DSTYK: variants seen among roughly 807,000 people sequenced by gnomAD.
The protein encoded by DSTYK is dual serine/threonine and tyrosine protein kinase, also known as RIP-homologous kinase.
Under a neutral mutation model 98.7 loss-of-function variants are expected in DSTYK, and 34 were observed. The observed-to-expected ratio is 0.34, with a 90% CI of 0.26 to 0.46. The LOEUF (loss-of-function observed/expected upper bound fraction) is 0.46. Among genes scored for constraint, DSTYK ranks in the 20% least tolerant of loss-of-function variants. The pLI is 1.00. For synonymous variants in DSTYK, 462 were observed against 457.3 expected (o/e 1.01, Z -0.13); for missense variants, 962 against 1,181.7 (o/e 0.81, Z 2.73).
At chr1:205,181,209 T>A (rs550587093) in intron 2 of DSTYK, among the ~76,000 whole-genome samples, 2 of 152,334 alleles carry the variant, frequency 1.3e-5, no homozygotes, top group South Asian at 4.1e-4. Flanking sequence ...TTCCATAGAC[T>A]CCTTCCTCCA....
chr1:205,157,460 G>A (rs1282226839), intron 9 of DSTYK, 74 bp from the exon 10 acceptor site: 15 of 1,253,800 alleles, frequency 1.2e-5, no homozygotes, highest in Non-Finnish European at 1.7e-5. Context: ...TAGGGCACAT[G>A]AGGACAGAAA....
At chr1:205,204,165 A>G (rs1343845877) in intron 1 of DSTYK, among the ~76,000 whole-genome samples, 1 of 152,158 alleles carries the variant, frequency 6.6e-6, no homozygotes, top group Admixed American at 6.6e-5. Flanking sequence ...TACTCATTCA[A>G]TCAGATAGTC....
At chr1:205,198,096 G>A (rs1190650612) in intron 1 of DSTYK, among the ~76,000 whole-genome samples, 12 of 152,144 alleles carry the variant, frequency 7.9e-5, no homozygotes, top group Non-Finnish European at 1.3e-4. Flanking sequence ...GGTAGGCTGA[G>A]GCAGAAGAAT....
chr1:205,147,876 T>A (rs1398278845), intron 12 of DSTYK, 131 bp from the exon 13 acceptor site: 1 of 876,498 alleles, frequency 1.1e-6, no homozygotes, highest in African/African-American at 1.7e-5. Flanking sequence ...TTGACTTCGA[T>A]TGCAAACATC....
At chr1:205,170,439 G>T (rs1658025393) in intron 2 of DSTYK, among the ~76,000 whole-genome samples, 1 of 151,994 alleles carries the variant, frequency 6.6e-6, no homozygotes, top group Non-Finnish European at 1.5e-5. Context: ...TTCCCCCATG[G>T]GTCTGTAAAC....
In DSTYK at chr1:205,203,021, G is replaced by T. The variant is rs140023101; in HGVS notation, c.265+8250C>A. ...GAGAAAGAAAAGGAGAAAGTAGACA[G>T]AGCAAAACAAAATATAAAAACCAGA... On this transcript the variant is annotated intron_variant, in intron 1 of 12. Coordinates refer to ENST00000367162, the MANE Select transcript of DSTYK (RefSeq NM_015375.3). 3.9e-5 allele frequency among the ~76,000 whole-genome samples: 6 copies of T among 152,156 alleles called. No homozygotes were observed. The East Asian group carries it at 1.2e-3, about 29-fold the overall frequency.
intron 10 of DSTYK, among the ~76,000 whole-genome samples, chr1:205,154,921 C>T (rs150021641): frequency 2.1e-3 from 319 of 152,154 alleles, no homozygotes; most frequent in Non-Finnish European, 3.7e-3. Context: ...CCTAGAGATC[C>T]GTGGAACTTG....
Position 205,187,784 on chromosome 1 carries a change from G to A in DSTYK, c.288C>T (p.Phe96=). The part of the protein sequence containing the change: ...LQAGQLSCIS[F]PPKEEKYLQQ... Reference sequence around the variant, plus strand: ...GGAGGTACTTCTCTTCCTTAGGTGGGAAGGAAATGCAGCTCAGTTGGCCTG... The same window carrying A: ...GGAGGTACTTCTCTTCCTTAGGTGGAAAGGAAATGCAGCTCAGTTGGCCTG... The change falls in exon 2 of 13, where the codon TTC becomes TTT. Residue 96 remains phenylalanine, a synonymous_variant. Coordinates refer to ENST00000367162, the MANE Select transcript of DSTYK (RefSeq NM_015375.3). 2.5e-6 allele frequency: 4 copies of A among 1,613,202 alleles called. No individual in the cohort carries two copies. Among genetic ancestry groups the A allele is most frequent in the Non-Finnish European group, 3.4e-6 (4 of 1,179,498 alleles).
chr1:205,158,363 G>A (rs930125190), intron 9 of DSTYK, among the ~76,000 whole-genome samples: 8 of 151,910 alleles, frequency 5.3e-5, no homozygotes, highest in Admixed American at 3.3e-4. Flanking sequence ...GGATCTACTC[G>A]GAGACTCTGA....
At chr1:205,188,185 A>G (rs1171372052) in intron 1 of DSTYK, among the ~76,000 whole-genome samples, 2 of 152,202 alleles carry the variant, frequency 1.3e-5, no homozygotes, top group African/African-American at 2.4e-5. Flanking sequence ...AAACTACACT[A>G]GTTGGGATGT....
At chr1:205,155,721 C>T (rs1039101744) in intron 10 of DSTYK, among the ~76,000 whole-genome samples, 3 of 151,862 alleles carry the variant, frequency 2.0e-5, no homozygotes, top group African/African-American at 7.3e-5. Context: ...GGGAGAAATT[C>T]AAGCCTGCTG....
intron 2 of DSTYK, among the ~76,000 whole-genome samples, chr1:205,185,571 C>T (rs1445093070): frequency 6.6e-6 from 1 of 152,012 alleles, no homozygotes; most frequent in Non-Finnish European, 1.5e-5. Context: ...TAGTGGGTTG[C>T]TACTAACATT....
At chr1:205,182,498 T>TA (rs386369411) in intron 2 of DSTYK, among the ~76,000 whole-genome samples, 10,081 of 77,706 alleles carry the variant, frequency 0.13, 1,400 homozygotes, top group African/African-American at 0.37. Flanking sequence ...TTAAAAACGG[T>TA]AAAAAAAAAA....
chr1:205,201,072 G>A (rs1410931443), intron 1 of DSTYK, among the ~76,000 whole-genome samples: 1 of 151,884 alleles, frequency 6.6e-6, no homozygotes, highest in East Asian at 1.9e-4. Flanking sequence ...TACCCGGCTA[G>A]TTTTGTATTT....
At chr1:205,186,370 T>C (rs1269713101) in intron 2 of DSTYK, among the ~76,000 whole-genome samples, 6 of 152,152 alleles carry the variant, frequency 3.9e-5, no homozygotes, top group Admixed American at 6.5e-5. Flanking sequence ...TTTATCAAGA[T>C]GAAAGAAATA....
chr1:205,207,443 A>G (rs1574807203), intron 1 of DSTYK, among the ~76,000 whole-genome samples: 1 of 151,804 alleles, frequency 6.6e-6, no homozygotes, highest in African/African-American at 2.4e-5. Flanking sequence ...TTTACTGGAT[A>G]ATAAAACAAG....
intron 2 of DSTYK, among the ~76,000 whole-genome samples, chr1:205,175,162 C>T (rs960229584): frequency 3.0e-4 from 45 of 149,680 alleles, no homozygotes; most frequent in African/African-American, 7.9e-4. Context: ...AGTGCAGTGG[C>T]GCAATCTTGG....
rs1483207533 is a variant in DSTYK at position 205,211,268 on chromosome 1, T to C, written c.265+3A>G. 6.2e-7 allele frequency: 1 copy of C among 1,603,448 alleles called. No homozygotes were observed. The highest frequency in any genetic ancestry group is 8.5e-7 in the Non-Finnish European group (1 of 1,176,030). On this transcript the variant is annotated splice_donor_region_variant and intron_variant, in intron 1 of 12. Coordinates refer to ENST00000367162, the MANE Select transcript of DSTYK (RefSeq NM_015375.3). ...CTCTCTCCCTCCGGGCTGCCCTCCT[T>C]ACCCGCCTGCAGCCCGGTTTCGGCG...
chr1:205,201,149 C>T (rs1026756574), intron 1 of DSTYK, among the ~76,000 whole-genome samples: 1 of 152,114 alleles, frequency 6.6e-6, no homozygotes, highest in Non-Finnish European at 1.5e-5. Context: ...ATGTTATCCA[C>T]CCGCCTTGGC....
Sources: gnomAD v4.1 joint callset for allele counts (sites outside exome capture counted in the v4.1 genomes callset) on GRCh38, gnomAD v4.1.1 for gene constraint, MANE v1.5 for transcripts, NCBI Gene and HGNC (gene_info 2026-07-23, HGNC 2026-07-21) for gene names.